Variants in ARHGAP10 observed in about 807,000 individuals in gnomAD.
ARHGAP10 encodes Rho GTPase activating protein 10.
Under a neutral mutation model 108.6 loss-of-function variants are expected in ARHGAP10, and 87 were observed. The observed-to-expected ratio is 0.80, with a 90% confidence interval of 0.67 to 0.96. ARHGAP10 has a LOEUF of 0.96. Ranked by LOEUF, ARHGAP10 falls within the 40% of genes least tolerant of loss-of-function variation. The pLI is 0.00. For missense variants in ARHGAP10, 939 were observed against 954.5 expected (o/e 0.98, Z 0.21); for synonymous variants, 347 against 341.1 (o/e 1.02, Z -0.19).
intron 1 of ARHGAP10, among the ~76,000 whole-genome samples, chr4:147,798,779 CTCTATATATATATA>C (rs1731451518): frequency 8.5e-4 from 3 of 3,532 alleles, no homozygotes; most frequent in African/African-American, 1.2e-3. Flanking sequence ...CTCTCTCTCT[CTCTATATATATATA>C]TATATATATA....
intron 18 of ARHGAP10, among the ~76,000 whole-genome samples, chr4:148,015,416 G>A (rs1409612588): frequency 6.6e-6 from 1 of 152,106 alleles, no homozygotes; most frequent in African/African-American, 2.4e-5. Flanking sequence ...TGAAATAATG[G>A]GCTTGGCCTA....
chr4:147,781,413 C>T (rs986196323), intron 1 of ARHGAP10, among the ~76,000 whole-genome samples: 67 of 152,186 alleles, frequency 4.4e-4, no homozygotes, highest in African/African-American at 1.5e-3. Context: ...GATGTAGGCT[C>T]ACCCTACATA....
At chr4:147,738,327 G>A (rs898259448) in intron 1 of ARHGAP10, among the ~76,000 whole-genome samples, 5 of 152,192 alleles carry the variant, frequency 3.3e-5, no homozygotes, top group South Asian at 2.1e-4. Context: ...CGAGGCGGGC[G>A]GATCACGAGG....
At chr4:147,908,811 A>G (rs113514531) in intron 11 of ARHGAP10, among the ~76,000 whole-genome samples, 17 of 152,218 alleles carry the variant, frequency 1.1e-4, no homozygotes, top group African/African-American at 4.1e-4. Flanking sequence ...CAAATTTTCA[A>G]TAAGTCCCTT....
intron 9 of ARHGAP10, among the ~76,000 whole-genome samples, 181 bp from the exon 10 acceptor site, chr4:147,881,657 A>G (rs1373135071): frequency 6.6e-6 from 1 of 152,160 alleles, no homozygotes; most frequent in Non-Finnish European, 1.5e-5. Flanking sequence ...CAGGAGAATG[A>G]CAAAAATATT....
chr4:147,877,834 T>C (rs1015417839), intron 8 of ARHGAP10, among the ~76,000 whole-genome samples: 6 of 151,538 alleles, frequency 4.0e-5, no homozygotes, highest in Non-Finnish European at 7.4e-5. Context: ...TTTTTTTTTT[T>C]GCTGAGATTA....
intron 3 of ARHGAP10, among the ~76,000 whole-genome samples, chr4:147,845,656 G>A (rs900025245): frequency 3.3e-4 from 51 of 152,286 alleles, no homozygotes; most frequent in African/African-American, 1.2e-3. Flanking sequence ...TCTTTCTTGA[G>A]TGTACCAGTT....
At chr4:148,034,488 T>TA (rs1234683077) in intron 19 of ARHGAP10, among the ~76,000 whole-genome samples, 2 of 151,706 alleles carry the variant, frequency 1.3e-5, no homozygotes, top group Admixed American at 6.6e-5. Context: ...CGGCTAATTT[T>TA]TTTTTTTTTT....
intron 15 of ARHGAP10, among the ~76,000 whole-genome samples, chr4:147,950,222 G>A (rs574576938): frequency 3.5e-4 from 53 of 152,278 alleles, no homozygotes; most frequent in African/African-American, 1.2e-3. Flanking sequence ...GTTATTTTTA[G>A]CGATGGAAAA....
At chr4:147,882,041 T>C (rs1232286431) in intron 10 of ARHGAP10, 109 bp downstream of exon 10, 2 of 969,974 alleles carry the variant, frequency 2.1e-6, no homozygotes, top group Non-Finnish European at 3.2e-6. Flanking sequence ...GAGAATGTTA[T>C]CTTGCTATAT....
chr4:148,040,089 T>TA (rs1377769243), intron 19 of ARHGAP10, among the ~76,000 whole-genome samples: 1 of 152,214 alleles, frequency 6.6e-6, no homozygotes, highest in African/African-American at 2.4e-5. Context: ...ACTGTCTGGC[T>TA]ATTGCCTCCA....
rs150957621 is a variant in ARHGAP10 at position 147,875,002 on chromosome 4, G to A, written c.703-19G>A. 5.4e-5 allele frequency: 84 copies of A among 1,560,092 alleles called. No homozygotes were observed. In the African/African-American group the frequency reaches 1.0e-3, roughly 19 times the overall value. On this transcript the variant is annotated intron_variant, in intron 7 of 22. Coordinates refer to ENST00000336498, the MANE Select transcript of ARHGAP10 (RefSeq NM_024605.4). ...ATATGAGAACTTAACATTTATGTGT[G>A]TTTTTTAATCCATTTCAGACACGGA...
chr4:147,765,100 G>A (rs1298335794), intron 1 of ARHGAP10, among the ~76,000 whole-genome samples: 1 of 152,172 alleles, frequency 6.6e-6, no homozygotes, highest in Non-Finnish European at 1.5e-5. Context: ...AGAATAGACT[G>A]TGGACTAATG....
intron 10 of ARHGAP10, among the ~76,000 whole-genome samples, chr4:147,904,017 T>A (rs1029529074): frequency 1.3e-5 from 2 of 152,182 alleles, no homozygotes; most frequent in African/African-American, 4.8e-5. Flanking sequence ...TAAAAATGTT[T>A]TTACTTTTGT....
chr4:148,052,155 C>T (rs1729166640), intron 20 of ARHGAP10, among the ~76,000 whole-genome samples: 1 of 151,838 alleles, frequency 6.6e-6, no homozygotes, highest in Non-Finnish European at 1.5e-5. Context: ...AGTCTGGTGC[C>T]TACTGAGAAA....
At chr4:147,973,456 G>A (rs529475270) in intron 18 of ARHGAP10, among the ~76,000 whole-genome samples, 1 of 152,198 alleles carries the variant, frequency 6.6e-6, no homozygotes, top group East Asian at 1.9e-4. Flanking sequence ...TTTTGATAGA[G>A]GCATGCCATG....
At chr4:147,830,337 C>T (rs1212213165) in intron 3 of ARHGAP10, among the ~76,000 whole-genome samples, 1 of 152,128 alleles carries the variant, frequency 6.6e-6, no homozygotes, top group Non-Finnish European at 1.5e-5. Context: ...TGCCTGCTCT[C>T]TCAGCCCTGG....
intron 18 of ARHGAP10, among the ~76,000 whole-genome samples, chr4:147,970,214 T>C (rs1011485945): frequency 2.0e-5 from 3 of 152,200 alleles, no homozygotes; most frequent in African/African-American, 7.2e-5. Context: ...AAACTTCATA[T>C]GGATGCGTGG....
chr4:147,733,338 A>ATTAGCCCCAGCTC (rs58858904), intron 1 of ARHGAP10, among the ~76,000 whole-genome samples: 3,711 of 152,292 alleles, frequency 0.024, 150 homozygotes, highest in African/African-American at 0.085. Flanking sequence ...ATGGGGCGGA[A>ATTAGCCCCAGCTC]TTAGCCCCAG....
Sources: gnomAD v4.1 joint callset for allele counts (sites outside exome capture counted in the v4.1 genomes callset) on GRCh38, gnomAD v4.1.1 for gene constraint, MANE v1.5 for transcripts, NCBI Gene and HGNC (gene_info 2026-07-23, HGNC 2026-07-21) for gene names.